The following CCNY variants were observed in gnomAD, a reference collection of about 807,000 sequenced individuals.
CCNY encodes cyclin Y.
In CCNY, 19 loss-of-function variants were observed where a neutral mutation model predicts 42.8. The observed-to-expected ratio is 0.44, with a 90% CI of 0.31 to 0.65. The LOEUF is 0.65. Among genes scored for constraint, CCNY ranks in the 30% least tolerant of loss-of-function variants. The pLI is 0.07. For missense variants in CCNY, 370 were observed against 437.3 expected, an observed-to-expected ratio of 0.85 and a Z score of 1.37; for synonymous variants, 165 against 162.7, an observed-to-expected ratio of 1.01 and a Z score of -0.11.
rs762730517 is a variant in CCNY at position 35,569,182 on chromosome 10, C to T, written c.*12C>T. On this transcript the variant is annotated 3_prime_UTR_variant, in exon 10 of 10. Coordinates refer to ENST00000374704, the MANE Select transcript of CCNY (RefSeq NM_145012.6). ...CCATCATCTCTTAACTACGGAGGCC[C>T]GCCGGAGGCCACACCATCCCTTAGT... 9.7e-6 allele frequency: 14 copies of T among 1,439,116 alleles called. No individual in the cohort carries two copies. Among genetic ancestry groups the T allele is most frequent in the African/African-American group, 1.4e-5 (1 of 71,586 alleles). 89.1% of individuals were successfully genotyped at this position (1,439,116 alleles called of 1,614,324 possible). A position where few individuals can be genotyped will look rare whatever the true frequency, so the allele number is the denominator to read the frequency against.
At chr10:35,359,541 A>T (rs901021634) in intron 1 of CCNY, among the ~76,000 whole-genome samples, 1 of 151,732 alleles carries the variant, frequency 6.6e-6, no homozygotes, top group Non-Finnish European at 1.5e-5. Context: ...GGGTTTTGGT[A>T]TGCTGCCCAG....
intron 1 of CCNY, among the ~76,000 whole-genome samples, chr10:35,348,460 T>C (rs967955447): frequency 3.3e-5 from 5 of 152,240 alleles, no homozygotes; most frequent in Non-Finnish European, 2.9e-5. Context: ...GCACCGTGTG[T>C]GCTCTGCAGG....
chr10:35,358,669 T>C (rs1836614730), intron 1 of CCNY, among the ~76,000 whole-genome samples: 1 of 152,172 alleles, frequency 6.6e-6, no homozygotes, highest in African/African-American at 2.4e-5. Context: ...CTTGTAGATT[T>C]AGGTGGTTAA....
At chr10:35,519,776 CTTTTTTTT>C (rs1177122335) in intron 4 of CCNY, among the ~76,000 whole-genome samples, 23 of 74,658 alleles carry the variant, frequency 3.1e-4, no homozygotes, top group Middle Eastern at 0.015. Context: ...CTTTTCTTTT[CTTTTTTTT>C]TTTTTTTTTT....
chr10:35,564,461 T>C (rs1841527681), intron 8 of CCNY, among the ~76,000 whole-genome samples: 1 of 152,088 alleles, frequency 6.6e-6, no homozygotes. Context: ...CTTGAGCTGG[T>C]GTGGAGCCCT....
At chr10:35,430,921 A>G (rs1015780543) in intron 1 of CCNY, among the ~76,000 whole-genome samples, 2 of 152,108 alleles carry the variant, frequency 1.3e-5, no homozygotes, top group Non-Finnish European at 2.9e-5. Context: ...GATCGAGACC[A>G]TCCTGGCCAA....
chr10:35,543,743 G>A (rs1841053589), intron 7 of CCNY, among the ~76,000 whole-genome samples: 1 of 152,138 alleles, frequency 6.6e-6, no homozygotes, highest in East Asian at 1.9e-4. Flanking sequence ...GCCTTAGGCA[G>A]GTCCTTCAGG....
At chr10:35,549,348 GTGACCCTGTGCTGCTCATGGCT>G (rs1410448020) in intron 7 of CCNY, among the ~76,000 whole-genome samples, 2 of 152,280 alleles carry the variant, frequency 1.3e-5, no homozygotes, top group African/African-American at 4.8e-5. Flanking sequence ...TATGCTGTAT[GTGACCCTGTGCTGCTCATGGCT>G]TATGACCCTA....
At chr10:35,266,146 C>T (rs897288342) in intron 3 of CCNY, among the ~76,000 whole-genome samples, 14 of 151,870 alleles carry the variant, frequency 9.2e-5, no homozygotes, top group South Asian at 2.1e-4. Flanking sequence ...GGTACAATCT[C>T]GGCTCACTAC....
chr10:35,268,266 C>A (rs1358045389), intron 3 of CCNY, among the ~76,000 whole-genome samples: 1 of 152,146 alleles, frequency 6.6e-6, no homozygotes, highest in African/African-American at 2.4e-5. Context: ...ATAATCCCAA[C>A]ACTTTTGGAG....
At chr10:35,343,887 T>C (rs1836241904) in intron 1 of CCNY, among the ~76,000 whole-genome samples, 2 of 152,246 alleles carry the variant, frequency 1.3e-5, no homozygotes, top group African/African-American at 4.8e-5. Flanking sequence ...GAAACAGTGC[T>C]ATTTTTCACA....
At chr10:35,483,884 T>C (rs1396791831) in intron 2 of CCNY, among the ~76,000 whole-genome samples, 4 of 152,236 alleles carry the variant, frequency 2.6e-5, no homozygotes, top group Non-Finnish European at 5.9e-5. Context: ...CTCTGTTGTG[T>C]CAGTTGAGAG....
chr10:35,554,321 G>T (rs1160494405), intron 8 of CCNY, among the ~76,000 whole-genome samples: 2 of 152,146 alleles, frequency 1.3e-5, no homozygotes, highest in Non-Finnish European at 2.9e-5. Flanking sequence ...GGCATTTGTT[G>T]CAGAGCCTAT....
chr10:35,248,924 A>C (rs915134613), intron 2 of CCNY, among the ~76,000 whole-genome samples: 3 of 152,058 alleles, frequency 2.0e-5, no homozygotes, highest in African/African-American at 7.2e-5. Flanking sequence ...ACACTTTTTA[A>C]AAGTCTTTTT....
chr10:35,507,263 A>G (rs1840233593), intron 3 of CCNY, among the ~76,000 whole-genome samples: 2 of 152,106 alleles, frequency 1.3e-5, no homozygotes, highest in African/African-American at 4.8e-5. Context: ...TTATATATAC[A>G]TATATATGTG....
intron 1 of CCNY, among the ~76,000 whole-genome samples, chr10:35,383,800 T>G (rs548418822): frequency 1.3e-5 from 2 of 152,250 alleles, no homozygotes; most frequent in South Asian, 4.1e-4. Flanking sequence ...CAAGCTAGAT[T>G]GGGGACAGTA....
intron 1 of CCNY, among the ~76,000 whole-genome samples, chr10:35,407,609 A>G (rs1338976716): frequency 2.0e-5 from 3 of 152,124 alleles, no homozygotes; most frequent in African/African-American, 7.2e-5. Flanking sequence ...TCGAGTTTGT[A>G]TTGGGGTCAA....
At chr10:35,424,898 G>A (rs2135268980) in intron 1 of CCNY, among the ~76,000 whole-genome samples, 1 of 152,280 alleles carries the variant, frequency 6.6e-6, no homozygotes, top group African/African-American at 2.4e-5. Context: ...GCCACACCAG[G>A]TTGGGGAGTC....
intron 1 of CCNY, among the ~76,000 whole-genome samples, chr10:35,393,937 T>C (rs1156685539): frequency 1.3e-5 from 2 of 152,166 alleles, no homozygotes; most frequent in Non-Finnish European, 2.9e-5. Context: ...TCTAGGCTTT[T>C]AATCTGTATA....
Sources: gnomAD v4.1 joint callset for allele counts (sites outside exome capture counted in the v4.1 genomes callset) on GRCh38, gnomAD v4.1.1 for gene constraint, MANE v1.5 for transcripts, NCBI Gene and HGNC (gene_info 2026-07-23, HGNC 2026-07-21) for gene names.